PSEN1: variants seen among roughly 807,000 people sequenced by gnomAD.
PSEN1 encodes the protein presenilin-1.
In PSEN1, 15 loss-of-function variants were observed where a neutral mutation model predicts 53.5. The ratio of observed to expected loss-of-function variants is 0.28; its 90% CI spans 0.19 to 0.43. The LOEUF is 0.43. PSEN1 is among the 20% of genes least tolerant of loss of function. The pLI, the probability that PSEN1 is intolerant of heterozygous loss-of-function variation, is 1.00. For synonymous variants in PSEN1, 208 were observed against 209.8 expected, an observed-to-expected ratio of 0.99 and a Z score of 0.08; for missense variants, 387 against 571.2, an observed-to-expected ratio of 0.68 and a Z score of 3.29.
chr14:73,184,986 G>A (rs1166860709), intron 5 of PSEN1, among the ~76,000 whole-genome samples: 4 of 149,876 alleles, frequency 2.7e-5, no homozygotes, highest in East Asian at 2.1e-4. Context: ...GGGCAGAGGC[G>A]CTCCCCACAT....
intron 6 of PSEN1, among the ~76,000 whole-genome samples, chr14:73,190,617 G>A (rs1428145963): frequency 1.3e-5 from 2 of 152,124 alleles, no homozygotes; most frequent in African/African-American, 4.8e-5. Context: ...CAGGCACGGT[G>A]GCTCACACCT....
Position 73,156,944 on chromosome 14 carries a change from G to C in PSEN1, c.87+8838G>C, listed in dbSNP as rs534712738. On this transcript the variant is annotated intron_variant, in intron 3 of 11. Coordinates refer to ENST00000324501, the MANE Select transcript of PSEN1 (RefSeq NM_000021.4). ...CCCAAAGTGCTGGGATTACAGGCAT[G>C]AGCCACCACGCCTGGCCTTTTTTTT... is the stretch of plus-strand genomic sequence containing the variant. Among the ~76,000 whole-genome samples, 3 of 152,178 alleles carry C rather than the reference G, an allele frequency of 2.0e-5. No individual in the cohort carries two copies. The East Asian group carries it at 5.8e-4, about 29-fold the overall frequency.
At chr14:73,185,844 C>G (rs1388409537) in intron 5 of PSEN1, among the ~76,000 whole-genome samples, 1 of 152,128 alleles carries the variant, frequency 6.6e-6, no homozygotes, top group South Asian at 2.1e-4. Flanking sequence ...TCACTGCGCC[C>G]GATCTCTCAG....
At chr14:73,196,169 A>G (rs1266281437) in intron 7 of PSEN1, among the ~76,000 whole-genome samples, 1 of 152,200 alleles carries the variant, frequency 6.6e-6, no homozygotes, top group Non-Finnish European at 1.5e-5. Context: ...AGCAAAAGCA[A>G]TTTTAATTTA....
intron 11 of PSEN1, among the ~76,000 whole-genome samples, chr14:73,218,387 T>C (rs1900009285): frequency 6.6e-6 from 1 of 152,100 alleles, no homozygotes; most frequent in South Asian, 2.1e-4. Flanking sequence ...GTGCCCAACC[T>C]GAAAACTATG....
chr14:73,166,537 A>G (rs1897722689), intron 3 of PSEN1, among the ~76,000 whole-genome samples: 1 of 152,234 alleles, frequency 6.6e-6, no homozygotes, highest in African/African-American at 2.4e-5. Flanking sequence ...TTTATTGTGA[A>G]CATTAATCAG....
At chr14:73,155,511 A>T (rs559364832) in intron 3 of PSEN1, among the ~76,000 whole-genome samples, 5 of 149,782 alleles carry the variant, frequency 3.3e-5, no homozygotes, top group East Asian at 1.9e-4. Context: ...TATCATTATT[A>T]TTTTTTTTTT....
intron 3 of PSEN1, among the ~76,000 whole-genome samples, chr14:73,165,837 C>T (rs541419804): frequency 6.6e-6 from 1 of 151,596 alleles, no homozygotes; most frequent in South Asian, 2.1e-4. Flanking sequence ...GTGGGCGGAT[C>T]ATGAGGTCAG....
At chr14:73,173,802 A>G in intron 5 of PSEN1, 95 bp downstream of exon 5, 3 of 1,392,098 alleles carry the variant, frequency 2.2e-6, no homozygotes, top group Non-Finnish European at 3.1e-6. Context: ...GAAAGAAAAA[A>G]TGTTTTGTCT....
intron 3 of PSEN1, among the ~76,000 whole-genome samples, chr14:73,169,861 G>A (rs889178319): frequency 2.6e-5 from 4 of 152,110 alleles, no homozygotes; most frequent in African/African-American, 7.2e-5. Context: ...GGCCAGGCTG[G>A]TCTCAAACTC....
At chr14:73,188,510 TGTG>T (rs990499582) in intron 6 of PSEN1, among the ~76,000 whole-genome samples, 5 of 152,106 alleles carry the variant, frequency 3.3e-5, no homozygotes, top group Non-Finnish European at 7.4e-5. Context: ...ATTAGCCAGT[TGTG>T]GTGTGTGCAT....
chr14:73,141,960 G>A (rs1333662216), intron 1 of PSEN1, among the ~76,000 whole-genome samples: 1 of 151,384 alleles, frequency 6.6e-6, no homozygotes, highest in Non-Finnish European at 1.5e-5. Flanking sequence ...CCAGCTACTT[G>A]GGAGGCTGAG....
At chr14:73,189,789 G>GC in intron 6 of PSEN1, 2 of 237,938 alleles carry the variant, frequency 8.4e-6, no homozygotes, top group Non-Finnish European at 8.7e-6. Context: ...CTGAGGTCCT[G>GC]CCCCCAGCTC....
chr14:73,195,307 G>A (rs937322577), intron 7 of PSEN1, among the ~76,000 whole-genome samples: 1 of 151,868 alleles, frequency 6.6e-6, no homozygotes, highest in Non-Finnish European at 1.5e-5. Context: ...CGAGTAGCTG[G>A]GACTACAAGT....
At chr14:73,216,698 G>T (rs1038823408) in intron 10 of PSEN1, among the ~76,000 whole-genome samples, 8 of 151,742 alleles carry the variant, frequency 5.3e-5, no homozygotes, top group African/African-American at 1.7e-4. Context: ...GGCAGAGTCT[G>T]CAGTGAGCCG....
chr14:73,175,101 G>C (rs2140047297), intron 5 of PSEN1, among the ~76,000 whole-genome samples: 1 of 152,204 alleles, frequency 6.6e-6, no homozygotes, highest in Middle Eastern at 3.4e-3. Flanking sequence ...CAGGAGGATT[G>C]CTTGAGGTCA....
intron 8 of PSEN1, 200 bp from the exon 9 acceptor site, chr14:73,206,186 T>G (rs1222403361): frequency 1.7e-6 from 1 of 598,442 alleles, no homozygotes; most frequent in Non-Finnish European, 3.0e-6. Context: ...AGTACTACAG[T>G]AAACATTCAG....
intron 11 of PSEN1, among the ~76,000 whole-genome samples, chr14:73,218,553 C>T (rs1900016920): frequency 6.6e-6 from 1 of 152,134 alleles, no homozygotes; most frequent in African/African-American, 2.4e-5. Context: ...CAGTGTACTC[C>T]TCATAAATAA....
intron 8 of PSEN1, among the ~76,000 whole-genome samples, chr14:73,201,674 G>A (rs1006108700): frequency 2.6e-5 from 4 of 152,220 alleles, no homozygotes; most frequent in Non-Finnish European, 5.9e-5. Context: ...CACAGGCAGA[G>A]CAGGTGGTGA....
Sources: allele counts gnomAD v4.1 joint callset (sites outside exome capture counted in the v4.1 genomes callset), GRCh38; gene constraint gnomAD v4.1.1; transcripts MANE v1.5; gene names NCBI Gene and HGNC (gene_info 2026-07-23, HGNC 2026-07-21).